ALG9: variants seen among roughly 807,000 people sequenced by gnomAD.
The protein encoded by ALG9 is ALG9 alpha-1,2-mannosyltransferase.
A neutral mutation model predicts 81.8 loss-of-function variants in ALG9; 55 were observed. The ratio of observed to expected loss-of-function variants is 0.67; its 90% CI spans 0.54 to 0.84. The LOEUF is 0.84. ALG9 is among the 40% of genes least tolerant of loss of function. ALG9 has a pLI of 0.00. For synonymous variants in ALG9, 278 were observed against 274.3 expected (o/e 1.01, Z -0.13); for missense variants, 629 against 745.0 (o/e 0.84, Z 1.81).
intron 4 of ALG9, 57 bp from the exon 5 acceptor site, chr11:111,860,692 T>C: frequency 7.3e-7 from 1 of 1,378,320 alleles, no homozygotes; most frequent in South Asian, 1.2e-5. Context: ...ACATTTCAAA[T>C]CAAAGGAGAA....
At chr11:111,802,973 T>A (rs545030895) in intron 14 of ALG9, among the ~76,000 whole-genome samples, 1 of 152,290 alleles carries the variant, frequency 6.6e-6, no homozygotes, top group East Asian at 1.9e-4. Context: ...GAAGAAAATG[T>A]CCAGATTCCT....
rs782296943 is a variant in ALG9 at position 111,857,736 on chromosome 11, T to C, written c.567A>G (p.Ala189=). ...ACATACAGAAGCTACTAGGAAGGAA[T>C]GCTGCAAGAGTAAAGAAGTGAAAAA... ...LSTGMFCSSS[A]FLPSSFCMYT... is the part of the protein sequence containing the mutation. Residue 189 remains alanine (A), a splice_region_variant and synonymous_variant, in exon 6 of 15, where the codon GCA becomes GCG. Coordinates refer to ENST00000616540, the MANE Select transcript of ALG9 (RefSeq NM_024740.2). 2 of 1,613,860 alleles carry C rather than the reference T, an allele frequency of 1.2e-6. No homozygotes were observed. The highest frequency in any genetic ancestry group is 1.7e-5 in the Admixed American group (1 of 59,976).
chr11:111,852,166 T>C (rs948592659), intron 8 of ALG9, among the ~76,000 whole-genome samples: 5 of 152,198 alleles, frequency 3.3e-5, no homozygotes, highest in Admixed American at 2.6e-4. Context: ...CAGATAGATA[T>C]AATCTTAACC....
chr11:111,798,926 T>C (rs1948692992), intron 14 of ALG9, among the ~76,000 whole-genome samples: 1 of 152,218 alleles, frequency 6.6e-6, no homozygotes, highest in Admixed American at 6.5e-5. Flanking sequence ...ATCTGGGCTG[T>C]CATTCTCCCA....
intron 14 of ALG9, among the ~76,000 whole-genome samples, chr11:111,789,871 A>C (rs1947125319): frequency 6.6e-6 from 1 of 151,662 alleles, no homozygotes; most frequent in African/African-American, 2.4e-5. Context: ...TTGGACTGAG[A>C]TAGTAAGTGG....
intron 6 of ALG9, among the ~76,000 whole-genome samples, chr11:111,855,213 T>C (rs1398774610): frequency 7.2e-5 from 11 of 152,244 alleles, no homozygotes; most frequent in Admixed American, 5.9e-4. Context: ...GTCTTCTCCC[T>C]CTGTGTATGT....
At chr11:111,851,915 CTTAG>C (rs1957895853) in intron 8 of ALG9, among the ~76,000 whole-genome samples, 1 of 152,200 alleles carries the variant, frequency 6.6e-6, no homozygotes, top group African/African-American at 2.4e-5. Flanking sequence ...AGTTCTTTCA[CTTAG>C]TAATTATTCT....
the ALG9 span, among the ~76,000 whole-genome samples, chr11:111,773,849 G>A: frequency 1.3e-5 from 2 of 150,008 alleles, no homozygotes; most frequent in Non-Finnish European, 3.0e-5. Context: ...CGATCTCCTG[G>A]GCTCAGGTGA....
chr11:111,820,036 T>C (rs1369839399), intron 13 of ALG9, among the ~76,000 whole-genome samples: 1 of 152,180 alleles, frequency 6.6e-6, no homozygotes, highest in African/African-American at 2.4e-5. Context: ...CATAATACCA[T>C]ACAATAAAGA....
At chr11:111,857,042 G>A (rs1958811259) in intron 6 of ALG9, among the ~76,000 whole-genome samples, 2 of 152,206 alleles carry the variant, frequency 1.3e-5, no homozygotes, top group African/African-American at 4.8e-5. Flanking sequence ...AGGAGGCGGA[G>A]GTTGTGATAA....
intron 14 of ALG9, among the ~76,000 whole-genome samples, chr11:111,798,483 T>C (rs1192481410): frequency 6.6e-6 from 1 of 152,168 alleles, no homozygotes; most frequent in African/African-American, 2.4e-5. Context: ...GAGCTGGTGA[T>C]TTATTGCAAC....
chr11:111,806,724 T>C (rs1452373033), intron 14 of ALG9, among the ~76,000 whole-genome samples: 1 of 152,194 alleles, frequency 6.6e-6, no homozygotes, highest in African/African-American at 2.4e-5. Context: ...TAGCTCAGAC[T>C]TCCCCCTTGA....
rs781966399 is a variant in ALG9 at position 111,809,675 on chromosome 11, G to C, written c.1701C>G (p.Ser567Arg). Residue 567 changes from serine (S) to arginine (R), a missense_variant, in exon 14 of 15, where the codon AGC (serine) becomes AGG (arginine). Transcript: ENST00000616540. The stretch of plus-strand genomic sequence containing the variant: ...CATCAAGGAATGGTCTATAGGCCAA[G>C]CTGATCCATTCTTCTTTATTGGATG... ...KYSSNKEEWI[S>R]LAYRPFLDAS... 18 of 1,614,148 alleles carry C rather than the reference G, an allele frequency of 1.1e-5. No individual in the cohort carries two copies. The highest frequency in any genetic ancestry group is 1.4e-5 in the Non-Finnish European group (17 of 1,179,986).
intron 2 of ALG9, among the ~76,000 whole-genome samples, chr11:111,869,280 T>C (rs1166284908): frequency 1.3e-5 from 2 of 152,346 alleles, no homozygotes; most frequent in Non-Finnish European, 1.5e-5. Context: ...TATATTCTCC[T>C]TAAACAACCT....
In ALG9 at chr11:111,868,676, T is replaced by C. The variant is rs1398217970; in HGVS notation, c.331A>G (p.Ile111Val). 1 of 1,613,802 alleles carries C rather than the reference T, an allele frequency of 6.2e-7. No individual in the cohort carries two copies. Among genetic ancestry groups the C allele is most frequent in the Non-Finnish European group, 8.5e-7 (1 of 1,179,716 alleles). Residue 111 changes from isoleucine (I) to valine (V), a missense_variant, in exon 3 of 15, where the codon ATT (isoleucine) becomes GTT (valine). Physicochemically the swap from Ile to Val is conservative, Grantham distance 29. Around this residue, in one of 3 missense-constraint regions of ALG9, gnomAD observed 344 missense variants for 390.5 expected, o/e 0.88. Coordinates refer to ENST00000616540, the MANE Select transcript of ALG9 (RefSeq NM_024740.2). ...AGCAACAGGTAAGCATAGGAGCGAA[T>C]GGCATATGCTGGGGAATATTCCCAA... The part of the protein sequence containing the change: ...QTWEYSPAYA[I>V]RSYAYLLLHA...
At chr11:111,805,196 G>A (rs1717031144) in intron 14 of ALG9, 1 of 454,912 alleles carries the variant, frequency 2.2e-6, no homozygotes, top group Non-Finnish European at 4.4e-6. Flanking sequence ...AGGCTAGAGA[G>A]CTAGCTTGTC....
the ALG9 span, among the ~76,000 whole-genome samples, chr11:111,768,259 C>T: frequency 6.6e-6 from 1 of 152,148 alleles, no homozygotes; most frequent in Non-Finnish European, 1.5e-5. Context: ...ACCATAGTAA[C>T]AATACGACGG....
At chr11:111,811,207 G>T (rs548955718) in intron 13 of ALG9, among the ~76,000 whole-genome samples, 134 of 152,158 alleles carry the variant, frequency 8.8e-4, no homozygotes, top group Admixed American at 4.8e-3. Context: ...GTTTACCTTA[G>T]AATAAATATA....
intron 8 of ALG9, among the ~76,000 whole-genome samples, chr11:111,845,828 C>A (rs1956864793): frequency 6.6e-6 from 1 of 152,094 alleles, no homozygotes; most frequent in Non-Finnish European, 1.5e-5. Context: ...TTGCAGCTTG[C>A]ACAGCAAAAT....
Sources: gnomAD v4.1 joint callset for allele counts (sites outside exome capture counted in the v4.1 genomes callset) on GRCh38, gnomAD v4.1.1 for gene constraint, gnomAD v4.1.1 regional missense constraint, MANE v1.5 for transcripts, NCBI Gene and HGNC (gene_info 2026-07-23, HGNC 2026-07-21) for gene names.